TXNDC16: variants seen among roughly 807,000 people sequenced by gnomAD.
TXNDC16 encodes the protein thioredoxin domain containing 16, also known as thioredoxin domain-containing protein 16.
Under a neutral mutation model 85.6 loss-of-function variants are expected in TXNDC16, and 74 were observed. The ratio of observed to expected loss-of-function variants is 0.86; its 90% CI spans 0.72 to 1.05. The LOEUF (loss-of-function observed/expected upper bound fraction) is 1.05, where lower values mean the gene tolerates loss of function less well. Among genes scored for constraint, TXNDC16 ranks in the 50% least tolerant of loss-of-function variants. The pLI, the probability that TXNDC16 is intolerant of heterozygous loss-of-function variation, is 0.00. For synonymous variants in TXNDC16, 335 were observed against 326.5 expected (o/e 1.03, Z -0.28); for missense variants, 959 against 947.0 (o/e 1.01, Z -0.17).
Position 52,482,246 on chromosome 14 carries a change from C to T in TXNDC16, c.1296G>A (p.Val432=). ...SMAFLQSYID[V]AVKLKGTSTM... is the part of the protein sequence containing the mutation. Reference sequence around the variant, plus strand: ...GTACACTACCTTTCAGTTTAACTGCCACATCAATATAGGATTGCAAAAATG... The same window carrying T: ...GTACACTACCTTTCAGTTTAACTGCTACATCAATATAGGATTGCAAAAATG... The change falls in exon 14 of 21, where the codon GTG becomes GTA. Residue 432 remains valine (V), a synonymous_variant. Coordinates refer to ENST00000281741, the MANE Select transcript of TXNDC16 (RefSeq NM_020784.3). 1 of 1,611,934 alleles carries T rather than the reference C, an allele frequency of 6.2e-7. No homozygotes were observed. Among genetic ancestry groups the T allele is most frequent in the Non-Finnish European group, 8.5e-7 (1 of 1,178,948 alleles).
intron 13 of TXNDC16, among the ~76,000 whole-genome samples, 178 bp from the exon 14 acceptor site, chr14:52,482,467 T>C (rs2036171977): frequency 6.6e-6 from 1 of 152,094 alleles, no homozygotes; most frequent in South Asian, 2.1e-4. Context: ...ATGCAACTGA[T>C]TTTCCGCACT....
intron 4 of TXNDC16, 80 bp from the exon 5 acceptor site, chr14:52,537,752 A>T: frequency 1.2e-6 from 1 of 808,864 alleles, no homozygotes; most frequent in Admixed American, 2.4e-5. Context: ...AAGGAGAATT[A>T]AATATTACAG....
chr14:52,448,511 C>T (rs1304151184), intron 18 of TXNDC16, among the ~76,000 whole-genome samples: 2 of 152,014 alleles, frequency 1.3e-5, no homozygotes, highest in Non-Finnish European at 2.9e-5. Flanking sequence ...TTCATCAACA[C>T]CGGATCTGTC....
At chr14:52,511,570 A>G (rs1036230446) in intron 8 of TXNDC16, among the ~76,000 whole-genome samples, 180 bp from the exon 9 acceptor site, 21 of 152,144 alleles carry the variant, frequency 1.4e-4, no homozygotes, top group South Asian at 8.3e-4. Context: ...AGAATATTAA[A>G]GAAAATTAAC....
intron 20 of TXNDC16, among the ~76,000 whole-genome samples, chr14:52,434,125 G>T (rs955771736): frequency 5.9e-5 from 9 of 152,214 alleles, no homozygotes; most frequent in Admixed American, 1.3e-4. Flanking sequence ...GATGGTTGAG[G>T]CTGCAATGAG....
At chr14:52,524,946 C>T (rs928473358) in intron 6 of TXNDC16, among the ~76,000 whole-genome samples, 2 of 151,812 alleles carry the variant, frequency 1.3e-5, no homozygotes, top group Non-Finnish European at 2.9e-5. Flanking sequence ...CATGGTAAAA[C>T]CCTGTCTCTA....
intron 9 of TXNDC16, among the ~76,000 whole-genome samples, chr14:52,495,481 A>G (rs1202068044): frequency 6.6e-6 from 1 of 152,230 alleles, no homozygotes; most frequent in Non-Finnish European, 1.5e-5. Context: ...TGGTCAAGAC[A>G]GTTACAAAAG....
chr14:52,484,087 A>G (rs1427287672), intron 12 of TXNDC16, among the ~76,000 whole-genome samples: 1 of 152,154 alleles, frequency 6.6e-6, no homozygotes, highest in Non-Finnish European at 1.5e-5. Context: ...TTTTAGATGT[A>G]ATAATAGTAT....
intron 10 of TXNDC16, 38 bp from the exon 11 acceptor site, chr14:52,490,489 T>C: frequency 6.7e-7 from 1 of 1,482,420 alleles, no homozygotes; most frequent in Non-Finnish European, 9.3e-7. Flanking sequence ...ATGTTGCTAA[T>C]CTGAAGAATA....
chr14:52,506,649 C>G (rs201076366), intron 9 of TXNDC16, among the ~76,000 whole-genome samples: 3 of 140,472 alleles, frequency 2.1e-5, no homozygotes, highest in Non-Finnish European at 4.6e-5. Flanking sequence ...CTCCGCTTCC[C>G]GGGTTCACGC....
intron 14 of TXNDC16, among the ~76,000 whole-genome samples, chr14:52,472,235 T>G (rs2035924318): frequency 6.6e-6 from 1 of 151,988 alleles, no homozygotes; most frequent in Non-Finnish European, 1.5e-5. Flanking sequence ...CTTGCTCTTG[T>G]TGCCCAGGCT....
chr14:52,432,422 A>C lies in TXNDC16; in HGVS notation c.2360T>G (p.Val787Gly). The change falls in exon 21 of 21, where the codon GTC (valine) becomes GGC (glycine). Residue 787 changes from valine to glycine, a missense_variant. By Grantham distance (109) the Val-to-Gly change is moderately radical. Coordinates refer to ENST00000281741, the MANE Select transcript of TXNDC16 (RefSeq NM_020784.3). ...DKEQHEDKSAVRKEPIETLRI... is the reference protein window; with the variant it reads ...DKEQHEDKSAGRKEPIETLRI... Reference sequence around the variant, plus strand: ...CAGAGTTTCAATCGGTTCTTTTCTGACTGCCGATTTATCTTCATGTTGTTC... The same window carrying C: ...CAGAGTTTCAATCGGTTCTTTTCTGCCTGCCGATTTATCTTCATGTTGTTC... 6.8e-6 allele frequency: 11 copies of C among 1,613,888 alleles called. No homozygotes were observed. Among genetic ancestry groups the C allele is most frequent in the Non-Finnish European group, 9.3e-6 (11 of 1,179,940 alleles).
intron 9 of TXNDC16, among the ~76,000 whole-genome samples, chr14:52,503,462 G>C (rs1031765314): frequency 2.0e-5 from 3 of 152,204 alleles, no homozygotes; most frequent in Non-Finnish European, 2.9e-5. Flanking sequence ...CAGGCAAACA[G>C]GGTCTGGAGT....
chr14:52,458,831 T>G (rs1425988416), intron 16 of TXNDC16, among the ~76,000 whole-genome samples: 1 of 151,952 alleles, frequency 6.6e-6, no homozygotes, highest in Admixed American at 6.6e-5. Context: ...TACAAAAGAC[T>G]CTCTACTTAT....
intron 8 of TXNDC16, among the ~76,000 whole-genome samples, chr14:52,513,127 C>A (rs1017175815): frequency 2.6e-5 from 4 of 152,132 alleles, no homozygotes; most frequent in African/African-American, 9.7e-5. Flanking sequence ...GAGTCTATGG[C>A]ATGCTATCTC....
At chr14:52,444,904 C>T (rs1341317509) in intron 18 of TXNDC16, among the ~76,000 whole-genome samples, 2 of 151,948 alleles carry the variant, frequency 1.3e-5, no homozygotes, top group East Asian at 3.9e-4. Flanking sequence ...AAAACAAAAA[C>T]TAAAGACAGC....
At chr14:52,472,866 A>G (rs79743624) in intron 14 of TXNDC16, among the ~76,000 whole-genome samples, 7,503 of 152,236 alleles carry the variant, frequency 0.049, 238 homozygotes, top group Middle Eastern at 0.075. Context: ...GCAGCCTGCA[A>G]GCTGCAAGGG....
chr14:52,496,841 C>T (rs1340811930), intron 9 of TXNDC16, among the ~76,000 whole-genome samples: 1 of 151,934 alleles, frequency 6.6e-6, no homozygotes, highest in African/African-American at 2.4e-5. Flanking sequence ...AAACTCCTGA[C>T]CTCAAGCGAT....
At chr14:52,525,275 G>A (rs907821351) in intron 6 of TXNDC16, among the ~76,000 whole-genome samples, 3 of 151,800 alleles carry the variant, frequency 2.0e-5, no homozygotes, top group African/African-American at 7.3e-5. Flanking sequence ...AGAGCACTGG[G>A]CAAAATCCGT....
Sources: gnomAD v4.1 joint callset for allele counts (sites outside exome capture counted in the v4.1 genomes callset) on GRCh38, gnomAD v4.1.1 for gene constraint, MANE v1.5 for transcripts, NCBI Gene and HGNC (gene_info 2026-07-23, HGNC 2026-07-21) for gene names.